CCNY: variants seen among roughly 807,000 people sequenced by gnomAD.
CCNY encodes the protein cyclin-Y.
A neutral mutation model predicts 42.8 loss-of-function variants in CCNY; 19 were observed. That is an observed-to-expected ratio of 0.44 (90% CI 0.31 to 0.65). CCNY has a LOEUF of 0.65. Among genes scored for constraint, CCNY ranks in the 30% least tolerant of loss-of-function variants. The probability of loss-of-function intolerance (pLI) is 0.07; values close to 1 mark genes in which losing one functional copy is unlikely to be tolerated. For missense variants in CCNY, 370 were observed against 437.3 expected (o/e 0.85, Z 1.37); for synonymous variants, 165 against 162.7 (o/e 1.01, Z -0.11).
At chr10:35,299,867 T>C (rs916000963) in intron 3 of CCNY, among the ~76,000 whole-genome samples, 11 of 152,204 alleles carry the variant, frequency 7.2e-5, no homozygotes. Context: ...AGTTGAGTAT[T>C]TTTCAGTATT....
chr10:35,394,926 T>C (rs1033291818), intron 1 of CCNY: 36 of 781,978 alleles, frequency 4.6e-5, no homozygotes, highest in Non-Finnish European at 5.4e-5. Flanking sequence ...TAAAACTCAC[T>C]GAGGGCTTCT....
At chr10:35,375,520 G>A (rs544108106) in intron 1 of CCNY, among the ~76,000 whole-genome samples, 32 of 152,304 alleles carry the variant, frequency 2.1e-4, no homozygotes, top group Middle Eastern at 6.8e-3. Context: ...TTTGCTATAT[G>A]AGGTAATATA....
At chr10:35,528,937 A>G (rs868219931) in intron 5 of CCNY, among the ~76,000 whole-genome samples, 1 of 152,238 alleles carries the variant, frequency 6.6e-6, no homozygotes. Context: ...AATTACATGC[A>G]GCTAGCCAAA....
intron 3 of CCNY, among the ~76,000 whole-genome samples, chr10:35,322,428 A>G (rs1447246099): frequency 2.6e-5 from 4 of 152,190 alleles, no homozygotes. Context: ...GAAGGGAGTC[A>G]AAGAGTTCTT....
chr10:35,370,485 A>G (rs1270798223), intron 1 of CCNY, among the ~76,000 whole-genome samples: 4 of 151,668 alleles, frequency 2.6e-5, no homozygotes, highest in African/African-American at 9.7e-5. Flanking sequence ...GTTTATGTAT[A>G]CTTGCTCTGT....
intron 4 of CCNY, among the ~76,000 whole-genome samples, chr10:35,517,739 C>T (rs1189660383): frequency 1.3e-5 from 2 of 152,132 alleles, no homozygotes; most frequent in Admixed American, 6.5e-5. Context: ...CCGGAGTGCA[C>T]GGGAAGTGAC....
chr10:35,387,913 C>T (rs777421259), intron 1 of CCNY, among the ~76,000 whole-genome samples: 1 of 152,184 alleles, frequency 6.6e-6, no homozygotes, highest in South Asian at 2.1e-4. Context: ...TATGGCCCTT[C>T]CCCTCTGGCC....
chr10:35,552,342 C>T (rs1348411435), intron 7 of CCNY, among the ~76,000 whole-genome samples: 1 of 152,062 alleles, frequency 6.6e-6, no homozygotes, highest in Non-Finnish European at 1.5e-5. Flanking sequence ...ATGGTGGTTG[C>T]CCGGAGCTGC....
At chr10:35,389,129 C>T (rs116814488) in intron 1 of CCNY, among the ~76,000 whole-genome samples, 2,099 of 152,222 alleles carry the variant, frequency 0.014, 43 homozygotes, top group African/African-American at 0.048. Context: ...TCTTTGGGGA[C>T]GTTATTCTGC....
At chr10:35,469,216 C>T (rs961095139) in intron 1 of CCNY, among the ~76,000 whole-genome samples, 3 of 152,314 alleles carry the variant, frequency 2.0e-5, no homozygotes, top group East Asian at 1.9e-4. Flanking sequence ...GGCCTTAGGC[C>T]GTTGACCCTG....
intron 3 of CCNY, among the ~76,000 whole-genome samples, chr10:35,509,865 G>A (rs1840290127): frequency 6.6e-6 from 1 of 152,184 alleles, no homozygotes; most frequent in African/African-American, 2.4e-5. Context: ...TGTGAATAAG[G>A]CAAAGACAGT....
At chr10:35,438,944 T>C (rs1838603071) in intron 1 of CCNY, among the ~76,000 whole-genome samples, 1 of 152,332 alleles carries the variant, frequency 6.6e-6, no homozygotes, top group East Asian at 1.9e-4. Context: ...TTCTGGGTTG[T>C]CACCTCTTTT....
At position 35,537,655 on chromosome 10, in the gene CCNY, C is replaced by T. The variant is rs191229135; in HGVS notation, c.579+7412C>T. Among the ~76,000 whole-genome samples the T allele has an allele frequency of 2.3e-3, 344 of 152,220 alleles. 4 individuals are homozygous for T. The highest frequency in any genetic ancestry group is 4.0e-3 in the Non-Finnish European group (270 of 68,022). ...CTGCTGGATTTCGGGCTTGCTTGGGCCCTGTAACTTCTTTGTTTTGGCCAA... is the reference window on the plus strand; with the variant it reads ...CTGCTGGATTTCGGGCTTGCTTGGGTCCTGTAACTTCTTTGTTTTGGCCAA... On this transcript the variant is annotated intron_variant, in intron 7 of 9. Transcript: ENST00000374704.
At chr10:35,526,122 A>T in intron 5 of CCNY, 123 bp downstream of exon 5, 1 of 859,080 alleles carries the variant, frequency 1.2e-6, no homozygotes, top group Non-Finnish European at 1.7e-6. Flanking sequence ...TTTTCATAGA[A>T]TTTCTAAAGG....
At chr10:35,479,611 TG>T (rs1420217078) in intron 1 of CCNY, among the ~76,000 whole-genome samples, 4 of 24,382 alleles carry the variant, frequency 1.6e-4, no homozygotes, top group Non-Finnish European at 3.3e-4. Context: ...TGTTGTGGGG[TG>T]GGGGGAGGGG....
At chr10:35,309,700 C>T (rs1835658787) in intron 3 of CCNY, among the ~76,000 whole-genome samples, 2 of 152,212 alleles carry the variant, frequency 1.3e-5, no homozygotes, top group South Asian at 4.1e-4. Flanking sequence ...AGATTGCAGG[C>T]ATGAGCCACT....
intron 4 of CCNY, among the ~76,000 whole-genome samples, chr10:35,518,371 AGGCATACTGT>A (rs1840471616): frequency 6.6e-6 from 1 of 152,226 alleles, no homozygotes. Flanking sequence ...AATCTGGCTG[AGGCATACTGT>A]GGGTATCTGG....
At chr10:35,453,922 CATA>C (rs1421568479) in intron 1 of CCNY, among the ~76,000 whole-genome samples, 1 of 152,152 alleles carries the variant, frequency 6.6e-6, no homozygotes, top group East Asian at 1.9e-4. Flanking sequence ...TTATGCATTT[CATA>C]ATGTTATATT....
intron 1 of CCNY, 150 bp downstream of exon 1, chr10:35,337,357 G>GC (rs1164061719): frequency 1.3e-6 from 1 of 763,104 alleles, no homozygotes. Context: ...GGCGCCCGGG[G>GC]CCCCGCAGCC....
Sources: gnomAD v4.1 joint callset for allele counts (sites outside exome capture counted in the v4.1 genomes callset) on GRCh38, gnomAD v4.1.1 for gene constraint, MANE v1.5 for transcripts, NCBI Gene and HGNC (gene_info 2026-07-23, HGNC 2026-07-21) for gene names.